Variants in TENM1 observed in about 807,000 individuals in gnomAD.
TENM1 encodes the protein teneurin transmembrane protein 1, also known as teneurin-1.
TENM1 carries 35 observed loss-of-function variants against 174.8 expected under a neutral mutation model. That is an observed-to-expected ratio of 0.20 (90% CI 0.15 to 0.27). TENM1 has a LOEUF of 0.27. TENM1 is among the 10% of genes least tolerant of loss of function. The pLI is 1.00. For missense variants in TENM1, 1,633 were observed against 2,130.1 expected, an observed-to-expected ratio of 0.77 and a Z score of 4.59; for synonymous variants, 781 against 798.7, an observed-to-expected ratio of 0.98 and a Z score of 0.37.
At position 124,414,914 on chromosome X, in the gene TENM1, C is replaced by A. The variant is rs138598334; in HGVS notation, c.4982+5397G>T. Among the ~76,000 whole-genome samples, 1,050 of 111,951 alleles carry A rather than the reference C, an allele frequency of 9.4e-3. 11 individuals are homozygous for A. Among genetic ancestry groups the A allele is most frequent in the African/African-American group, 0.032 (972 of 30,760 alleles). On this transcript the variant is annotated intron_variant, in intron 25 of 31. Transcript: ENST00000422452. ...TGCTCCTCTCAGAGCAGAACTTATA[C>A]TTCCACCTGTGCAAACAATTTGTCC... is the stretch of plus-strand genomic sequence containing the variant.
intron 3 of TENM1, among the ~76,000 whole-genome samples, chrX:124,750,078 T>G (rs2054025940): frequency 8.9e-6 from 1 of 112,263 alleles, no homozygotes; most frequent in Non-Finnish European, 1.9e-5. Flanking sequence ...CATTTGTTGC[T>G]GTTGCTGCTA....
chrX:124,572,519 T>C (rs1032104818), intron 11 of TENM1, among the ~76,000 whole-genome samples: 2 of 111,197 alleles, frequency 1.8e-5, no homozygotes, highest in Non-Finnish European at 3.8e-5. Flanking sequence ...TTCCTTTTAA[T>C]GTCAGAAGAA....
At chrX:124,722,767 G>C (rs916718550) in intron 4 of TENM1, among the ~76,000 whole-genome samples, 1 of 104,025 alleles carries the variant, frequency 9.6e-6, no homozygotes, top group Non-Finnish European at 2.0e-5. Flanking sequence ...TTGAACCCGG[G>C]AGGCGGAGCT....
At chrX:125,082,559 A>G in the TENM1 span, among the ~76,000 whole-genome samples, 1 of 111,172 alleles carries the variant, frequency 9.0e-6, no homozygotes, top group Non-Finnish European at 1.9e-5. Context: ...TTATTCATCA[A>G]TCTGTTTGGA....
chrX:124,688,345 G>T (rs980087311), intron 5 of TENM1, among the ~76,000 whole-genome samples: 8 of 109,173 alleles, frequency 7.3e-5, no homozygotes, highest in African/African-American at 2.7e-4. Flanking sequence ...CACCTCCCAG[G>T]TTCAAGCGAT....
At chrX:124,748,145 G>A (rs2053973812) in intron 3 of TENM1, among the ~76,000 whole-genome samples, 1 of 110,959 alleles carries the variant, frequency 9.0e-6, no homozygotes, top group Admixed American at 9.6e-5. Flanking sequence ...CCATTACTCA[G>A]GAAGCCATTG....
intron 1 of TENM1, among the ~76,000 whole-genome samples, chrX:124,899,940 A>G (rs2057629672): frequency 2.7e-5 from 3 of 112,473 alleles, no homozygotes; most frequent in African/African-American, 9.7e-5. Context: ...CAATTCTCAT[A>G]CACTGGTGGT....
the TENM1 span, among the ~76,000 whole-genome samples, chrX:125,174,981 A>C: frequency 8.9e-6 from 1 of 111,779 alleles, no homozygotes; most frequent in African/African-American, 3.2e-5. Flanking sequence ...TAACACTTTA[A>C]AATGAATAGC....
the TENM1 span, among the ~76,000 whole-genome samples, chrX:125,181,050 G>T: frequency 9.0e-6 from 1 of 111,668 alleles, no homozygotes; most frequent in Non-Finnish European, 1.9e-5. Flanking sequence ...CATCCTTTGT[G>T]CTCTTACTAT....
At chrX:124,801,341 G>A (rs1039366214) in intron 3 of TENM1, among the ~76,000 whole-genome samples, 4 of 111,697 alleles carry the variant, frequency 3.6e-5, no homozygotes, top group African/African-American at 6.5e-5. Context: ...TTTCCATTAC[G>A]TAATGCCCTT....
intron 23 of TENM1, among the ~76,000 whole-genome samples, chrX:124,426,976 G>A (rs778539018): frequency 1.8e-4 from 20 of 111,448 alleles, no homozygotes; most frequent in Non-Finnish European, 3.2e-4. Flanking sequence ...CCCCTGCCTT[G>A]GACCTCTATA....
At chrX:125,089,360 C>T in the TENM1 span, among the ~76,000 whole-genome samples, 1 of 111,762 alleles carries the variant, frequency 8.9e-6, no homozygotes, top group African/African-American at 3.3e-5. Context: ...TTGGGGACAC[C>T]TAGCTTTATT....
At chrX:124,816,664 G>T (rs1023468711) in intron 3 of TENM1, among the ~76,000 whole-genome samples, 1 of 110,876 alleles carries the variant, frequency 9.0e-6, no homozygotes, top group African/African-American at 3.3e-5. Flanking sequence ...ACATTTTCCT[G>T]TAGAAAACTT....
At chrX:124,596,830 T>G (rs1187163906) in intron 11 of TENM1, among the ~76,000 whole-genome samples, 1 of 110,632 alleles carries the variant, frequency 9.0e-6, no homozygotes, top group Non-Finnish European at 1.9e-5. Flanking sequence ...AAAAATCATA[T>G]TTGCCTTAGA....
At chrX:125,174,125 T>A in the TENM1 span, among the ~76,000 whole-genome samples, 14 of 111,169 alleles carry the variant, frequency 1.3e-4, no homozygotes, top group African/African-American at 4.2e-4. Flanking sequence ...GGACAGGGGA[T>A]CCAACCTCGG....
the TENM1 span, among the ~76,000 whole-genome samples, chrX:125,019,619 A>G: frequency 9.0e-6 from 1 of 111,019 alleles, no homozygotes; most frequent in Non-Finnish European, 1.9e-5. Context: ...TTAAGATAGA[A>G]TAGTGTAATA....
chrX:124,645,687 T>A (rs1384645381), intron 9 of TENM1, among the ~76,000 whole-genome samples: 1 of 112,197 alleles, frequency 8.9e-6, no homozygotes, highest in Admixed American at 9.5e-5. Context: ...ATCTGAAAAT[T>A]TAAAAAGCAA....
intron 3 of TENM1, among the ~76,000 whole-genome samples, chrX:124,831,490 T>C (rs1414241099): frequency 8.9e-6 from 1 of 112,188 alleles, no homozygotes; most frequent in Non-Finnish European, 1.9e-5. Context: ...AATGGTGTTA[T>C]GTAAGGAAAT....
intron 3 of TENM1, among the ~76,000 whole-genome samples, chrX:124,847,418 C>T (rs751006576): frequency 1.3e-3 from 142 of 111,711 alleles, no homozygotes; most frequent in Non-Finnish European, 1.7e-3. Flanking sequence ...CTATAATCAG[C>T]AACTTTCAGC....
Sources: allele counts gnomAD v4.1 joint callset (sites outside exome capture counted in the v4.1 genomes callset), GRCh38; gene constraint gnomAD v4.1.1; transcripts MANE v1.5; gene names NCBI Gene and HGNC (gene_info 2026-07-23, HGNC 2026-07-21).